Variants in PDE3A observed in about 807,000 individuals in gnomAD.
The protein encoded by PDE3A is cGMP-inhibited 3',5'-cyclic phosphodiesterase 3A.
In PDE3A, 43 loss-of-function variants were observed where a neutral mutation model predicts 98.3. That is an observed-to-expected ratio of 0.44 (90% CI 0.34 to 0.56). The LOEUF (loss-of-function observed/expected upper bound fraction) is 0.56, where lower values mean the gene tolerates loss of function less well. Among genes scored for constraint, PDE3A ranks in the 20% least tolerant of loss-of-function variants. The pLI, the probability that PDE3A is intolerant of heterozygous loss-of-function variation, is 0.01. For synonymous variants in PDE3A, 663 were observed against 567.9 expected, an observed-to-expected ratio of 1.17 and a Z score of -2.38; for missense variants, 1,427 against 1,440.7, an observed-to-expected ratio of 0.99 and a Z score of 0.15.
intron 1 of PDE3A, among the ~76,000 whole-genome samples, chr12:20,482,179 C>G (rs898112412): frequency 6.6e-6 from 1 of 151,832 alleles, no homozygotes; most frequent in African/African-American, 2.4e-5. Flanking sequence ...GATCATTTAA[C>G]TAAGAAATGA....
At chr12:20,408,336 CT>C (rs1280835227) in intron 1 of PDE3A, among the ~76,000 whole-genome samples, 2 of 152,014 alleles carry the variant, frequency 1.3e-5, no homozygotes, top group Admixed American at 6.6e-5. Flanking sequence ...ATTAGTCTTC[CT>C]ACATAAAATA....
chr12:20,496,387 G>A (rs1945919690), intron 1 of PDE3A, among the ~76,000 whole-genome samples: 1 of 152,082 alleles, frequency 6.6e-6, no homozygotes, highest in African/African-American at 2.4e-5. Context: ...ATGCTCCTTA[G>A]AACTTGTTCA....
chr12:20,615,857 C>T (rs1413252861), intron 3 of PDE3A, among the ~76,000 whole-genome samples: 2 of 152,128 alleles, frequency 1.3e-5, no homozygotes, highest in Admixed American at 6.5e-5. Context: ...TCCCGAGCAA[C>T]TGAGATTACA....
intron 1 of PDE3A, among the ~76,000 whole-genome samples, chr12:20,452,768 A>G (rs1945088424): frequency 6.6e-6 from 1 of 152,160 alleles, no homozygotes; most frequent in African/African-American, 2.4e-5. Flanking sequence ...GAACTTAATG[A>G]TAGACATCAG....
intron 1 of PDE3A, among the ~76,000 whole-genome samples, chr12:20,396,557 G>A (rs991762570): frequency 6.6e-6 from 1 of 152,002 alleles, no homozygotes; most frequent in Non-Finnish European, 1.5e-5. Context: ...ACAAAAACTG[G>A]AAGACATACA....
chr12:20,591,537 C>T (rs1380977090), intron 2 of PDE3A, among the ~76,000 whole-genome samples: 5 of 152,234 alleles, frequency 3.3e-5, no homozygotes, highest in Non-Finnish European at 1.5e-5. Context: ...TGATAACACA[C>T]AGATACAACC....
At chr12:20,388,713 G>A (rs755765928) in intron 1 of PDE3A, among the ~76,000 whole-genome samples, 6 of 151,922 alleles carry the variant, frequency 3.9e-5, no homozygotes, top group African/African-American at 1.2e-4. Flanking sequence ...TGTTGTTTTC[G>A]TGTATCTGAG....
In PDE3A at chr12:20,397,743, T is replaced by A. The variant is rs545827283; in HGVS notation, c.960+27499T>A. Among the ~76,000 whole-genome samples the A allele has an allele frequency of 2.6e-5, 4 of 152,244 alleles. No homozygotes were observed. The East Asian group carries it at 7.7e-4, about 29-fold the overall frequency. On this transcript the variant is annotated intron_variant, in intron 1 of 15. Coordinates refer to ENST00000359062, the MANE Select transcript of PDE3A (RefSeq NM_000921.5). The stretch of plus-strand genomic sequence containing the variant: ...AAAATAATTGCCTCCTCCGTATATA[T>A]TTTAAAGATGGCCTATAAACTAGAT...
intron 2 of PDE3A, among the ~76,000 whole-genome samples, chr12:20,559,705 T>C (rs1378594014): frequency 6.6e-6 from 1 of 150,428 alleles, no homozygotes; most frequent in South Asian, 2.1e-4. Context: ...CAAAGTGAGA[T>C]AGGATTTAGG....
At chr12:20,505,424 T>C (rs1003396434) in intron 1 of PDE3A, among the ~76,000 whole-genome samples, 11 of 152,016 alleles carry the variant, frequency 7.2e-5, no homozygotes, top group African/African-American at 2.7e-4. Flanking sequence ...CAATGAAAAA[T>C]GTTCTATAAA....
At chr12:20,386,038 TAAAATATATA>T (rs1565532380) in intron 1 of PDE3A, among the ~76,000 whole-genome samples, 39 of 80,316 alleles carry the variant, frequency 4.9e-4, no homozygotes, top group African/African-American at 2.0e-3. Context: ...TAAATATATA[TAAAATATATA>T]TAAATATATA....
chr12:20,412,228 G>A (rs1201524743), intron 1 of PDE3A, among the ~76,000 whole-genome samples: 3 of 152,072 alleles, frequency 2.0e-5, no homozygotes, highest in African/African-American at 7.2e-5. Flanking sequence ...TATTAAGTGG[G>A]CAATAAATAT....
chr12:20,542,289 A>G (rs1264841280), intron 1 of PDE3A, among the ~76,000 whole-genome samples: 2 of 152,086 alleles, frequency 1.3e-5, no homozygotes, highest in African/African-American at 2.4e-5. Context: ...AGACTTAAAA[A>G]TGAATTCAAT....
At position 20,369,308 on chromosome 12, in the gene PDE3A, A is replaced by G. The variant is rs367945484; in HGVS notation, c.24A>G (p.Ala8=). 512 of 1,531,806 alleles carry G rather than the reference A, an allele frequency of 3.3e-4. 3 individuals are homozygous for G. The African/African-American group carries it at 6.1e-3, about 18-fold the overall frequency. 94.9% of individuals were successfully genotyped at this position (1,531,806 alleles called of 1,614,324 possible). A position where few individuals can be genotyped will look rare whatever the true frequency, so the allele number is the denominator to read the frequency against. MAVPGDA[A]RVRDKPVHSG... is the part of the protein sequence containing the mutation. ...CCATGGCAGTGCCCGGCGACGCTGC[A>G]CGAGTCAGGGACAAGCCCGTCCACA... The change falls in exon 1 of 16, where the codon GCA becomes GCG. Residue 8 remains alanine (A), a synonymous_variant. Transcript: ENST00000359062.
At chr12:20,387,276 T>C (rs1213269005) in intron 1 of PDE3A, among the ~76,000 whole-genome samples, 1 of 152,056 alleles carries the variant, frequency 6.6e-6, no homozygotes, top group African/African-American at 2.4e-5. Context: ...TGGTTTCATA[T>C]GAATTTTAAA....
At chr12:20,474,120 G>A (rs1945486282) in intron 1 of PDE3A, among the ~76,000 whole-genome samples, 1 of 152,142 alleles carries the variant, frequency 6.6e-6, no homozygotes, top group Admixed American at 6.5e-5. Flanking sequence ...GTGAATTCTA[G>A]TTGTCCTATA....
chr12:20,569,010 C>T (rs998534060), intron 2 of PDE3A, among the ~76,000 whole-genome samples: 11 of 151,836 alleles, frequency 7.2e-5, no homozygotes, highest in African/African-American at 2.4e-4. Context: ...GGCATATGGC[C>T]ACCACATTAA....
chr12:20,398,135 C>T (rs1225972703), intron 1 of PDE3A, among the ~76,000 whole-genome samples: 1 of 144,622 alleles, frequency 6.9e-6, no homozygotes, highest in East Asian at 2.0e-4. Context: ...AACTTTATTT[C>T]CAAATGAGTA....
intron 15 of PDE3A, among the ~76,000 whole-genome samples, chr12:20,664,956 A>C (rs1945271032): frequency 6.6e-6 from 1 of 151,958 alleles, no homozygotes; most frequent in African/African-American, 2.4e-5. Flanking sequence ...CTCCCTCTTA[A>C]TTCCCTACCT....
Sources: gnomAD v4.1 joint callset for allele counts (sites outside exome capture counted in the v4.1 genomes callset) on GRCh38, gnomAD v4.1.1 for gene constraint, MANE v1.5 for transcripts, NCBI Gene and HGNC (gene_info 2026-07-23, HGNC 2026-07-21) for gene names.